CS: variants seen among roughly 807,000 people sequenced by gnomAD.
CS encodes citrate synthase, also known as citrate synthase, mitochondrial.
In CS, 13 loss-of-function variants were observed where a neutral mutation model predicts 61.4. The ratio of observed to expected loss-of-function variants is 0.21; its 90% CI spans 0.14 to 0.34. CS has a LOEUF of 0.34. Among genes scored for constraint, CS ranks in the 10% least tolerant of loss-of-function variants. CS has a pLI of 1.00. For missense variants in CS, 278 were observed against 573.4 expected, an observed-to-expected ratio of 0.48 and a Z score of 5.26; for synonymous variants, 159 against 215.2, an observed-to-expected ratio of 0.74 and a Z score of 2.29.
At chr12:56,275,765 T>G in intron 7 of CS, 1 of 560,240 alleles carries the variant, frequency 1.8e-6, no homozygotes. Context: ...GCTAGTACCT[T>G]TTCCCAGCCA....
At chr12:56,299,915 G>A (rs1873427516) in intron 1 of CS, 2 of 454,040 alleles carry the variant, frequency 4.4e-6, no homozygotes, top group South Asian at 2.5e-5. Flanking sequence ...CAGCAGGGTC[G>A]GCCTCCTCAC....
intron 1 of CS, among the ~76,000 whole-genome samples, chr12:56,297,530 C>T (rs528332507): frequency 1.2e-4 from 19 of 152,154 alleles, no homozygotes; most frequent in East Asian, 3.9e-4. Flanking sequence ...GGTGAAACCC[C>T]GTCTCTACCA....
chr12:56,275,153 GA>G, intron 7 of CS, 22 bp from the exon 8 acceptor site: 1 of 1,613,562 alleles, frequency 6.2e-7, no homozygotes, highest in Non-Finnish European at 8.5e-7. Flanking sequence ...TAAGAAGGGA[GA>G]GCCAAGGGAA....
At chr12:56,288,346 ATTTTTTTTTTTTTT>A (rs1164867172) in intron 1 of CS, among the ~76,000 whole-genome samples, 1 of 123,164 alleles carries the variant, frequency 8.1e-6, no homozygotes, top group African/African-American at 3.1e-5. Context: ...GCTTTTTAGA[ATTTTTTTTTTTTTT>A]TTTTTTTTTG....
chr12:56,282,483 G>A lies in CS; in HGVS notation c.525C>T (p.Leu175=), dbSNP rs2135915768. The change falls in exon 6 of 11, where the codon CTC becomes CTT. Residue 175 remains leucine (L), a synonymous_variant. Coordinates refer to ENST00000351328, the MANE Select transcript of CS (RefSeq NM_004077.3). ...CTCGGGCAAAGTTACTTTCACTGTT[G>A]AGGGCTGTAACAGCTGCACTGAGCT... is the stretch of plus-strand genomic sequence containing the variant. ...MSQLSAAVTA[L]NSESNFARAY... 1 of 1,613,974 alleles carries A rather than the reference G, an allele frequency of 6.2e-7. No individual in the cohort carries two copies. The highest frequency in any genetic ancestry group is 2.2e-5 in the East Asian group (1 of 44,888).
chr12:56,294,243 G>A (rs549596122), intron 1 of CS, among the ~76,000 whole-genome samples: 45 of 152,128 alleles, frequency 3.0e-4, no homozygotes, highest in African/African-American at 9.6e-4. Context: ...GGAGGCCAAG[G>A]TAGGCCGATC....
intron 1 of CS, among the ~76,000 whole-genome samples, chr12:56,297,167 C>T (rs1297456396): frequency 6.6e-6 from 1 of 152,142 alleles, no homozygotes; most frequent in Non-Finnish European, 1.5e-5. Context: ...AGAGACAGTT[C>T]CCTTTAGCTA....
intron 6 of CS, among the ~76,000 whole-genome samples, chr12:56,280,869 G>A (rs574426789): frequency 1.3e-5 from 2 of 152,282 alleles, no homozygotes; most frequent in East Asian, 3.9e-4. Context: ...TGGTGTGAAT[G>A]TGTATATTTT....
At chr12:56,275,727 A>G in intron 7 of CS, 1 of 497,758 alleles carries the variant, frequency 2.0e-6, no homozygotes, top group Non-Finnish European at 3.6e-6. Context: ...GAGCTCCTGG[A>G]AAGCTGAAGG....
At chr12:56,296,555 G>T (rs1873312985) in intron 1 of CS, among the ~76,000 whole-genome samples, 1 of 152,194 alleles carries the variant, frequency 6.6e-6, no homozygotes, top group Non-Finnish European at 1.5e-5. Context: ...CCTCATTACG[G>T]TTTTAAATTT....
rs113618105 is a variant in CS at position 56,277,724 on chromosome 12, G to C, written c.589-1529C>G. ...CGGCTCACTGCAAGCTCCGCCTCCC[G>C]GGTTCACGCCATTCTCCTGCCTCAG... is the stretch of plus-strand genomic sequence containing the variant. On this transcript the variant is annotated intron_variant, in intron 6 of 10. Transcript: ENST00000351328. Among the ~76,000 whole-genome samples, 8 of 147,594 alleles carry C rather than the reference G, an allele frequency of 5.4e-5. No individual in the cohort carries two copies. In the South Asian group the frequency reaches 1.7e-3, roughly 32 times the overall value.
At chr12:56,290,036 C>T (rs1165890363) in intron 1 of CS, among the ~76,000 whole-genome samples, 5 of 150,362 alleles carry the variant, frequency 3.3e-5, no homozygotes, top group African/African-American at 1.2e-4. Context: ...CAGGACTACA[C>T]GCACCCGCCA....
rs543686651 is a variant in CS, at chr12:56,279,679, T to C, written c.588+2741A>G. ...TACTCGGGAGGCTGAGGCAGGAGAA[T>C]TGCTTGAACCAGGGAGGCGGAGCTT... On this transcript the variant is annotated intron_variant, in intron 6 of 10. Transcript: ENST00000351328. Among the ~76,000 whole-genome samples, 23 of 151,968 alleles carry C rather than the reference T, an allele frequency of 1.5e-4. No homozygotes were observed. The South Asian group carries it at 3.9e-3, about 26-fold the overall frequency.
rs1485386255 is a variant in CS, at chr12:56,280,411, T to C, written c.588+2009A>G. Among the ~76,000 whole-genome samples the C allele has an allele frequency of 3.8e-4, 5 of 13,110 alleles. No individual in the cohort carries two copies. The Non-Finnish European group carries it at 0.014, about 35-fold the overall frequency. 8.6% of individuals were successfully genotyped at this position (13,110 alleles called of 152,430 possible). A position where few individuals can be genotyped will look rare whatever the true frequency, so the allele number is the denominator to read the frequency against. ...ACCTGGGTGACAGTGCAAGACACCGTCTCCCAAAAAAAACAAAAAAAAAAA... is the reference window on the plus strand; with the variant it reads ...ACCTGGGTGACAGTGCAAGACACCGCCTCCCAAAAAAAACAAAAAAAAAAA... On this transcript the variant is annotated intron_variant, in intron 6 of 10. Transcript: ENST00000351328.
intron 3 of CS, chr12:56,285,353 G>C: frequency 2.9e-6 from 1 of 341,880 alleles, no homozygotes; most frequent in South Asian, 2.2e-5. Context: ...CATAATCATG[G>C]CTCACTGCAG....
chr12:56,283,226 T>A (rs1403902992), intron 4 of CS, among the ~76,000 whole-genome samples: 1 of 152,124 alleles, frequency 6.6e-6, no homozygotes, highest in African/African-American at 2.4e-5. Context: ...CCATCATGCC[T>A]AGCCCAGAAT....
chr12:56,275,433 C>A (rs530359933), intron 7 of CS: 99 of 317,324 alleles, frequency 3.1e-4, no homozygotes, highest in South Asian at 2.9e-3. Flanking sequence ...ATTAGCTGGG[C>A]ATGGTGGCAC....
At chr12:56,280,141 C>A (rs879332954) in intron 6 of CS, among the ~76,000 whole-genome samples, 1 of 151,752 alleles carries the variant, frequency 6.6e-6, no homozygotes, top group African/African-American at 2.4e-5. Context: ...CAAGGCCAGG[C>A]GTGGTGGCTT....
At chr12:56,280,865 G>C (rs894654225) in intron 6 of CS, among the ~76,000 whole-genome samples, 3 of 152,148 alleles carry the variant, frequency 2.0e-5, no homozygotes, top group African/African-American at 7.2e-5. Flanking sequence ...TATGTGGTGT[G>C]AATGTGTATA....
Sources: gnomAD v4.1 joint callset for allele counts (sites outside exome capture counted in the v4.1 genomes callset) on GRCh38, gnomAD v4.1.1 for gene constraint, MANE v1.5 for transcripts, NCBI Gene and HGNC (gene_info 2026-07-23, HGNC 2026-07-21) for gene names.